The following PTPRA variants were observed in gnomAD, a reference collection of about 807,000 sequenced individuals.
PTPRA encodes the protein protein tyrosine phosphatase receptor type A, also known as receptor-type tyrosine-protein phosphatase alpha.
In PTPRA, 25 loss-of-function variants were observed where a neutral mutation model predicts 104.8. The ratio of observed to expected loss-of-function variants is 0.24; its 90% confidence interval spans 0.17 to 0.33. The LOEUF (loss-of-function observed/expected upper bound fraction) is 0.33. Among genes scored for constraint, PTPRA ranks in the 10% least tolerant of loss-of-function variants. The pLI is 1.00. For missense variants in PTPRA, 765 were observed against 1,015.3 expected (o/e 0.75, Z 3.35); for synonymous variants, 323 against 368.9 (o/e 0.88, Z 1.43).
At chr20:2,942,225 G>A (rs2060947924) in intron 2 of PTPRA, among the ~76,000 whole-genome samples, 2 of 152,022 alleles carry the variant, frequency 1.3e-5, no homozygotes, top group African/African-American at 4.8e-5. Context: ...TTCCAATAAT[G>A]GACCATGGTT....
chr20:2,923,262 G>C lies in PTPRA; in HGVS notation c.-73G>C. ...TATGGAATTCCACTGAGTGGTAATG[G>C]ATGATGCAGTTCAAATAACTAAGGT... On this transcript the variant is annotated 5_prime_UTR_variant, in exon 2 of 24. Coordinates refer to ENST00000399903, the MANE Select transcript of PTPRA (RefSeq NM_001385305.1). The C allele has an allele frequency of 2.3e-6, 3 of 1,285,892 alleles. No homozygotes were observed. Among genetic ancestry groups the C allele is most frequent in the Non-Finnish European group, 3.0e-6 (3 of 987,258 alleles). 79.7% of individuals were successfully genotyped at this position (1,285,892 alleles called of 1,614,324 possible).
At chr20:3,001,221 C>A (rs1346160082) in intron 9 of PTPRA, among the ~76,000 whole-genome samples, 1 of 152,194 alleles carries the variant, frequency 6.6e-6, no homozygotes, top group African/African-American at 2.4e-5. Flanking sequence ...TTGTTTTCAT[C>A]CGTGACGCAG....
intron 5 of PTPRA, among the ~76,000 whole-genome samples, chr20:2,974,370 C>T (rs768317531): frequency 2.0e-5 from 3 of 152,042 alleles, no homozygotes; most frequent in Non-Finnish European, 4.4e-5. Context: ...TGTGCCTCAG[C>T]CTCCCAAAGT....
At chr20:2,962,403 A>G (rs2061786760) in intron 3 of PTPRA, among the ~76,000 whole-genome samples, 1 of 152,074 alleles carries the variant, frequency 6.6e-6, no homozygotes, top group African/African-American at 2.4e-5. Flanking sequence ...TAATTTTTAA[A>G]CCTATGTGGA....
chr20:2,933,384 C>T (rs369250473), intron 2 of PTPRA, among the ~76,000 whole-genome samples: 2 of 151,440 alleles, frequency 1.3e-5, no homozygotes, highest in African/African-American at 4.8e-5. Context: ...AACCTTTTGC[C>T]TGTAACATTT....
intron 4 of PTPRA, among the ~76,000 whole-genome samples, 178 bp downstream of exon 4, chr20:2,964,528 A>T (rs1409206835): frequency 6.6e-6 from 1 of 152,262 alleles, no homozygotes; most frequent in Non-Finnish European, 1.5e-5. Flanking sequence ...ATTGTTTTTC[A>T]TACATACATA....
In PTPRA at chr20:3,015,734, G is replaced by A. The variant is rs1027052239; in HGVS notation, c.907-115G>A. On this transcript the variant is annotated intron_variant, in intron 11 of 23. Coordinates refer to ENST00000399903, the MANE Select transcript of PTPRA (RefSeq NM_001385305.1). ...GTGAATATCTAGACTGGAAATCCCCGTTAAGTACCTGCACATTTTCAGGTT... is the reference window on the plus strand; with the variant it reads ...GTGAATATCTAGACTGGAAATCCCCATTAAGTACCTGCACATTTTCAGGTT... 2.2e-5 allele frequency: 18 copies of A among 807,084 alleles called. No individual in the cohort carries two copies. In the East Asian group the frequency reaches 2.6e-4, roughly 11 times the overall value. 50.0% of individuals were successfully genotyped at this position (807,084 alleles called of 1,614,324 possible).
intron 20 of PTPRA, among the ~76,000 whole-genome samples, chr20:3,033,900 C>CAA (rs10544314): frequency 4.6e-5 from 5 of 107,670 alleles, no homozygotes; most frequent in Admixed American, 1.9e-4. Context: ...AGCTCCATCT[C>CAA]AAAAAAAAAA....
intron 2 of PTPRA, among the ~76,000 whole-genome samples, chr20:2,926,793 T>TTTTTTTTTTTTTTTTTTTTTC (rs1197405960): frequency 7.5e-6 from 1 of 133,496 alleles, no homozygotes; most frequent in African/African-American, 2.8e-5. Context: ...TTTTTTTTTT[T>TTTTTTTTTTTTTTTTTTTTTC]ACTTTTTATT....
intron 10 of PTPRA, among the ~76,000 whole-genome samples, chr20:3,005,938 G>A (rs2063846946): frequency 6.6e-6 from 1 of 151,730 alleles, no homozygotes; most frequent in Non-Finnish European, 1.5e-5. Context: ...AATGAGATAT[G>A]AGAGGAAGAT....
In PTPRA at chr20:3,035,703, A is replaced by G. The variant is rs768760848; in HGVS notation, c.2039A>G (p.Asn680Ser). ...ACCGTCCGAGACCTCCTGGTCACCA[A>G]CACCAGGGTAAGATGGGTCGTGGGT... ...SYTVRDLLVT[N>S]TRENKSRQIR... Residue 680 changes from asparagine to serine, a missense_variant, in exon 21 of 24, where the codon AAC (asparagine) becomes AGC (serine). Transcript: ENST00000399903. The surrounding 1 kb of genome is among the most constrained non-coding windows in gnomAD (Gnocchi z 5.8). The G allele has an allele frequency of 3.7e-6, 6 of 1,614,094 alleles. No homozygotes were observed. The Admixed American group carries it at 5.0e-5, about 13-fold the overall frequency.
intron 1 of PTPRA, among the ~76,000 whole-genome samples, chr20:2,877,247 T>TTTTG (rs545873111): frequency 4.9e-4 from 74 of 152,200 alleles, no homozygotes; most frequent in East Asian, 1.9e-3. Flanking sequence ...AAGAGATGTT[T>TTTTG]TTTGTTTGTT....
At chr20:3,015,950 T>C in intron 12 of PTPRA, 65 bp downstream of exon 12, 1 of 1,456,076 alleles carries the variant, frequency 6.9e-7, no homozygotes, top group Non-Finnish European at 9.6e-7. Context: ...TTGGTTTTTT[T>C]CTCCCAAATG....
At chr20:3,006,727 A>G (rs2063890970) in intron 10 of PTPRA, among the ~76,000 whole-genome samples, 1 of 152,176 alleles carries the variant, frequency 6.6e-6, no homozygotes, top group Non-Finnish European at 1.5e-5. Flanking sequence ...TCCTGGGTTC[A>G]AGCCATTTTC....
chr20:2,866,417 G>T, the PTPRA span: 13,231 of 1,614,122 alleles, frequency 8.2e-3, 91 homozygotes, highest in Non-Finnish European at 0.01. Context: ...CTCCTCTCTT[G>T]CTCAAACCAC....
rs150020620 is a variant in PTPRA at position 2,984,065 on chromosome 20, A to G, written c.443-2700A>G. 8.2e-3 allele frequency among the ~76,000 whole-genome samples: 1,242 copies of G among 152,102 alleles called. 13 individuals are homozygous for G. Among genetic ancestry groups the G allele is most frequent in the South Asian group, 0.051 (242 of 4,790 alleles). The stretch of plus-strand genomic sequence containing the variant: ...AGGAGTGTTTCGTTGTGGAAAGCTA[A>G]GAGAGGAAAGTGCTTCAGAGAGGAA... On this transcript the variant is annotated intron_variant, in intron 6 of 23. Coordinates refer to ENST00000399903, the MANE Select transcript of PTPRA (RefSeq NM_001385305.1).
At chr20:2,992,775 C>CT in intron 9 of PTPRA, among the ~76,000 whole-genome samples, 1 of 152,328 alleles carries the variant, frequency 6.6e-6, no homozygotes, top group South Asian at 2.1e-4. Context: ...AGCAGGAGCA[C>CT]TTTCTCTTTT....
chr20:2,944,067 G>T (rs1235517579), intron 2 of PTPRA, among the ~76,000 whole-genome samples: 5 of 146,642 alleles, frequency 3.4e-5, no homozygotes, highest in African/African-American at 7.6e-5. Context: ...TTTAGACAGG[G>T]TCTCACTCTG....
In PTPRA at chr20:2,883,218, C is replaced by G. The variant is rs182150845; in HGVS notation, c.-129+9458C>G. 1.1e-3 allele frequency among the ~76,000 whole-genome samples: 172 copies of G among 152,228 alleles called. 1 individual carries two copies. The highest frequency in any genetic ancestry group is 3.9e-3 in the African/African-American group (161 of 41,546). ...AAAAATACCTAAATCTGAAACACTT[C>G]TGGTCCCAAGCATTTCAGATAAGGA... is the stretch of plus-strand genomic sequence containing the variant. On this transcript the variant is annotated intron_variant, in intron 1 of 23. Transcript: ENST00000399903.
Sources: gnomAD v4.1 joint callset for allele counts (sites outside exome capture counted in the v4.1 genomes callset) on GRCh38, gnomAD v4.1.1 for gene constraint, Gnocchi (gnomAD v3.1) non-coding constraint, MANE v1.5 for transcripts, NCBI Gene and HGNC (gene_info 2026-07-23, HGNC 2026-07-21) for gene names.